The following VWA3A variants were observed in gnomAD, a reference collection of about 807,000 sequenced individuals.
VWA3A encodes von Willebrand factor A domain containing 3A.
A neutral mutation model predicts 160.4 loss-of-function variants in VWA3A; 134 were observed. That is an observed-to-expected ratio of 0.84 (90% CI 0.73 to 0.96). The LOEUF is 0.96. Among genes scored for constraint, VWA3A ranks in the 40% least tolerant of loss-of-function variants. VWA3A has a pLI of 0.00. For missense variants in VWA3A, 1,310 were observed against 1,447.9 expected, an observed-to-expected ratio of 0.90 and a Z score of 1.55; for synonymous variants, 476 against 543.4, an observed-to-expected ratio of 0.88 and a Z score of 1.72.
intron 25 of VWA3A, among the ~76,000 whole-genome samples, chr16:22,143,716 C>G (rs2046194221): frequency 6.6e-6 from 1 of 150,510 alleles, no homozygotes. Flanking sequence ...AGATTTTGTT[C>G]TTCACCCCCA....
intron 9 of VWA3A, chr16:22,116,393 A>G: frequency 2.2e-6 from 1 of 446,806 alleles, no homozygotes; most frequent in South Asian, 1.7e-5. Flanking sequence ...GGAAGGAAAG[A>G]AGGAAGAGAG....
rs1002520547 is a variant in VWA3A at position 22,096,904 on chromosome 16, T to C, written c.60T>C (p.His20=). Residue 20 remains histidine (H), a synonymous_variant, in exon 2 of 34, where the codon CAT becomes CAC. Transcript: ENST00000389398. ...GCFAMATQTS[H]VFHGQENMFL... is the part of the protein sequence containing the mutation. ...TTGCAATGGCTACACAAACTAGTCA[T>C]GTCTTCCATGGTCAAGAAAATATGT... 1 of 1,550,702 alleles carries C rather than the reference T, an allele frequency of 6.4e-7. No individual in the cohort carries two copies. The highest frequency in any genetic ancestry group is 8.7e-7 in the Non-Finnish European group (1 of 1,146,242).
Position 22,133,013 on chromosome 16 carries a change from T to C in VWA3A, c.1986T>C (p.Tyr662=). The change falls in exon 20 of 34, where the codon TAT becomes TAC. Residue 662 remains tyrosine, a synonymous_variant. Coordinates refer to ENST00000389398, the MANE Select transcript of VWA3A (RefSeq NM_173615.5). ...PKMDTTPPAR[Y]ASHTDTAAAY... The stretch of plus-strand genomic sequence containing the variant: ...TGGACACCACACCCCCTGCCCGCTA[T>C]GCCAGTCACACTGACACAGCCGCCG... 1 of 1,613,996 alleles carries C rather than the reference T, an allele frequency of 6.2e-7. No homozygotes were observed. The highest frequency in any genetic ancestry group is 8.5e-7 in the Non-Finnish European group (1 of 1,179,894).
intron 14 of VWA3A, 93 bp downstream of exon 14, chr16:22,121,710 C>T (rs1362444286): frequency 1.1e-5 from 11 of 1,024,312 alleles, no homozygotes; most frequent in Non-Finnish European, 1.5e-6. Context: ...GTAAGAATCA[C>T]CAGGGATTCA....
intron 1 of VWA3A, among the ~76,000 whole-genome samples, 177 bp from the exon 2 acceptor site, chr16:22,096,682 C>T (rs541102278): frequency 6.6e-6 from 1 of 152,018 alleles, no homozygotes; most frequent in Admixed American, 6.6e-5. Flanking sequence ...GAGGTCAAGG[C>T]TACAGTGAGC....
At chr16:22,119,902 C>T (rs2141907174) in intron 12 of VWA3A, among the ~76,000 whole-genome samples, 1 of 151,664 alleles carries the variant, frequency 6.6e-6, no homozygotes, top group African/African-American at 2.4e-5. Flanking sequence ...CCTGTAATCC[C>T]AGCTACATGG....
intron 9 of VWA3A, chr16:22,116,395 G>C (rs1292099085): frequency 2.4e-6 from 1 of 425,472 alleles, no homozygotes; most frequent in South Asian, 1.8e-5. Flanking sequence ...AAGGAAAGAA[G>C]GAAGAGAGAG....
intron 9 of VWA3A, among the ~76,000 whole-genome samples, chr16:22,116,075 T>A: frequency 7.5e-6 from 1 of 134,064 alleles, no homozygotes. Context: ...GGGATGGCAG[T>A]CACAGGCAGA....
chr16:22,150,660 C>T (rs749817832), intron 29 of VWA3A, 35 bp from the exon 30 acceptor site: 40 of 1,581,452 alleles, frequency 2.5e-5, no homozygotes, highest in Middle Eastern at 1.7e-4. Context: ...GTGAGCCTCT[C>T]CCCTGAGCCT....
intron 21 of VWA3A, among the ~76,000 whole-genome samples, chr16:22,134,693 T>G (rs1323096986): frequency 3.9e-5 from 6 of 152,218 alleles, no homozygotes; most frequent in Non-Finnish European, 8.8e-5. Flanking sequence ...TGTTTGTTTT[T>G]AATTGCACTG....
chr16:22,128,228 G>C (rs1419556220), intron 17 of VWA3A, among the ~76,000 whole-genome samples: 1 of 152,170 alleles, frequency 6.6e-6, no homozygotes, highest in South Asian at 2.1e-4. Context: ...TTGCAAGCAA[G>C]GTACAAATAC....
chr16:22,148,899 T>G (rs936595337), intron 28 of VWA3A, among the ~76,000 whole-genome samples: 4 of 152,222 alleles, frequency 2.6e-5, no homozygotes, highest in African/African-American at 9.6e-5. Flanking sequence ...TTAAATTATT[T>G]AATGATTTAA....
Position 22,096,945 on chromosome 16 carries a change from G to T in VWA3A, c.101G>T (p.Cys34Phe). 2 of 1,504,044 alleles carry T rather than the reference G, an allele frequency of 1.3e-6. No individual in the cohort carries two copies. The highest frequency in any genetic ancestry group is 1.8e-6 in the Non-Finnish European group (2 of 1,109,484). 93.2% of individuals were successfully genotyped at this position (1,504,044 alleles called of 1,614,324 possible). A position where few individuals can be genotyped will look rare whatever the true frequency, so the allele number is the denominator to read the frequency against. Residue 34 changes from cysteine (C) to phenylalanine (F), a missense_variant and splice_region_variant, in exon 2 of 34, where the codon TGC becomes TTC. Transcript: ENST00000389398. ...GAAAATATGTTTCTGGAAAACCATT[G>T]GTAAGCATAGTTCTCTGATTTTTTT... ...GQENMFLENHCIRRNTGRDSK... is the reference protein window; with the variant it reads ...GQENMFLENHFIRRNTGRDSK...
intron 12 of VWA3A, 47 bp from the exon 13 acceptor site, chr16:22,120,921 A>G: frequency 6.2e-7 from 1 of 1,608,320 alleles, no homozygotes; most frequent in Non-Finnish European, 8.5e-7. Flanking sequence ...AGGACTTTTC[A>G]GCTCTAAAAT....
chr16:22,140,608 CTT>C (rs1162326276), intron 23 of VWA3A, among the ~76,000 whole-genome samples: 9 of 134,508 alleles, frequency 6.7e-5, no homozygotes, highest in East Asian at 2.2e-4. Flanking sequence ...CCTGTCTCTA[CTT>C]TTTTTTTTTT....
chr16:22,127,436 T>C (rs527689181), intron 17 of VWA3A, among the ~76,000 whole-genome samples: 22 of 152,244 alleles, frequency 1.4e-4, no homozygotes, highest in African/African-American at 4.6e-4. Flanking sequence ...ATAAAAACTA[T>C]ATATATAGTT....
At chr16:22,128,274 T>G (rs893768131) in intron 17 of VWA3A, among the ~76,000 whole-genome samples, 2 of 152,136 alleles carry the variant, frequency 1.3e-5, no homozygotes, top group Non-Finnish European at 2.9e-5. Flanking sequence ...CAAGCAATGC[T>G]GTGAAGGAGG....
At position 22,156,194 on chromosome 16, in the gene VWA3A, G is replaced by T. The variant is rs1207374673; in HGVS notation, c.*177G>T. 6.6e-6 allele frequency: 3 copies of T among 457,672 alleles called. No homozygotes were observed. In the East Asian group the frequency reaches 1.3e-4, roughly 20 times the overall value. 28.4% of individuals were successfully genotyped at this position (457,672 alleles called of 1,614,324 possible). On this transcript the variant is annotated 3_prime_UTR_variant, in exon 34 of 34. Transcript: ENST00000389398. Reference sequence around the variant, plus strand: ...CTTTTGTGTGAGGGGCCATTCCCGGGTCTTAATCTAACTCTCCAGCCCTGT... The same window carrying T: ...CTTTTGTGTGAGGGGCCATTCCCGGTTCTTAATCTAACTCTCCAGCCCTGT...
At chr16:22,119,567 A>C (rs1217880167) in intron 12 of VWA3A, among the ~76,000 whole-genome samples, 1 of 152,178 alleles carries the variant, frequency 6.6e-6, no homozygotes, top group African/African-American at 2.4e-5. Flanking sequence ...GCTACTCAGG[A>C]GGCTGAGGTG....
Sources: allele counts gnomAD v4.1 joint callset (sites outside exome capture counted in the v4.1 genomes callset), GRCh38; gene constraint gnomAD v4.1.1; transcripts MANE v1.5; gene names NCBI Gene and HGNC (gene_info 2026-07-23, HGNC 2026-07-21).